The following CALN1 variants were observed in gnomAD, a reference collection of about 807,000 sequenced individuals.
CALN1 encodes the protein calcium-binding protein 8.
CALN1 carries 17 observed loss-of-function variants against 30.6 expected under a neutral mutation model. The ratio of observed to expected loss-of-function variants is 0.56; its 90% CI spans 0.38 to 0.83. CALN1 has a LOEUF of 0.83. Among genes scored for constraint, CALN1 ranks in the 40% least tolerant of loss-of-function variants. CALN1 has a pLI of 0.00. For missense variants in CALN1, 291 were observed against 354.9 expected (o/e 0.82, Z 1.45); for synonymous variants, 156 against 131.4 (o/e 1.19, Z -1.28).
At chr7:72,289,971 A>G (rs1798361290) in intron 2 of CALN1, among the ~76,000 whole-genome samples, 1 of 151,464 alleles carries the variant, frequency 6.6e-6, no homozygotes, top group Non-Finnish European at 1.5e-5. Context: ...TTAGCTACTC[A>G]GGAGGCTGAG....
At chr7:72,019,042 G>C (rs529973215) in intron 5 of CALN1, among the ~76,000 whole-genome samples, 2 of 150,744 alleles carry the variant, frequency 1.3e-5, no homozygotes, top group Non-Finnish European at 3.0e-5. Context: ...GTAGAGATGA[G>C]GTTTCACCAT....
chr7:72,488,995 A>C, the CALN1 span, among the ~76,000 whole-genome samples: 1 of 152,186 alleles, frequency 6.6e-6, no homozygotes, highest in Non-Finnish European at 1.5e-5. Context: ...CTTATCGACC[A>C]TGAGACAGTC....
chr7:71,999,070 T>G (rs966114469), intron 5 of CALN1, among the ~76,000 whole-genome samples: 1 of 152,142 alleles, frequency 6.6e-6, no homozygotes, highest in Non-Finnish European at 1.5e-5. Context: ...AGAGACACAA[T>G]CCAATTTTAT....
intron 4 of CALN1, among the ~76,000 whole-genome samples, chr7:72,035,358 G>C (rs1801732866): frequency 6.6e-6 from 1 of 151,140 alleles, no homozygotes; most frequent in African/African-American, 2.4e-5. Context: ...CATGCAAGTA[G>C]AATCATGTCC....
chr7:72,215,737 AC>A (rs1469218296), intron 3 of CALN1, among the ~76,000 whole-genome samples: 1 of 152,062 alleles, frequency 6.6e-6, no homozygotes, highest in Non-Finnish European at 1.5e-5. Flanking sequence ...CTGTGGATGG[AC>A]CCAGCTAGGA....
At chr7:72,075,384 A>G (rs962983668) in intron 4 of CALN1, among the ~76,000 whole-genome samples, 2 of 152,224 alleles carry the variant, frequency 1.3e-5, no homozygotes, top group Non-Finnish European at 2.9e-5. Context: ...AATAAAGACA[A>G]TCAGGCTGAA....
intron 3 of CALN1, among the ~76,000 whole-genome samples, chr7:72,170,868 C>G (rs1788901555): frequency 6.6e-6 from 1 of 152,096 alleles, no homozygotes; most frequent in African/African-American, 2.4e-5. Flanking sequence ...TATGATTTCA[C>G]AGAGTCAGCC....
chr7:72,095,577 C>T (rs1806161676), intron 4 of CALN1, among the ~76,000 whole-genome samples: 1 of 152,162 alleles, frequency 6.6e-6, no homozygotes, highest in Non-Finnish European at 1.5e-5. Context: ...AATCTCCAGG[C>T]ACTGAGCTCC....
intron 5 of CALN1, among the ~76,000 whole-genome samples, chr7:71,814,874 C>T (rs1249742463): frequency 6.6e-6 from 1 of 151,602 alleles, no homozygotes; most frequent in African/African-American, 2.4e-5. Flanking sequence ...CGCTCTGTCC[C>T]CCACCCTGGA....
chr7:72,183,476 C>G (rs1231656283), intron 3 of CALN1, among the ~76,000 whole-genome samples: 1 of 152,134 alleles, frequency 6.6e-6, no homozygotes, highest in Non-Finnish European at 1.5e-5. Context: ...ATTCACAAAG[C>G]TTTTCACAGG....
chr7:72,230,259 G>A (rs1183568223), intron 3 of CALN1, among the ~76,000 whole-genome samples: 1 of 149,120 alleles, frequency 6.7e-6, no homozygotes, highest in African/African-American at 2.5e-5. Flanking sequence ...ATGTATCCCA[G>A]AACTTAAAGT....
At chr7:72,065,599 G>A (rs1000983804) in intron 4 of CALN1, among the ~76,000 whole-genome samples, 3 of 152,152 alleles carry the variant, frequency 2.0e-5, no homozygotes, top group South Asian at 4.2e-4. Flanking sequence ...TTGAGATCCC[G>A]GTTCTTGCCT....
At chr7:72,273,196 G>C (rs1018982990) in intron 3 of CALN1, among the ~76,000 whole-genome samples, 1 of 152,128 alleles carries the variant, frequency 6.6e-6, no homozygotes, top group Non-Finnish European at 1.5e-5. Context: ...CACTTTGGGA[G>C]GCCAAGGTGG....
chr7:72,297,699 C>T (rs937545027), intron 2 of CALN1, among the ~76,000 whole-genome samples: 3 of 152,132 alleles, frequency 2.0e-5, no homozygotes, highest in East Asian at 1.9e-4. Context: ...AATACACCTC[C>T]GTAAGAGACA....
chr7:72,409,210 G>C (rs906025711), intron 1 of CALN1, among the ~76,000 whole-genome samples: 1 of 151,204 alleles, frequency 6.6e-6, no homozygotes, highest in Non-Finnish European at 1.5e-5. Flanking sequence ...TGGCCAGGCT[G>C]GTCTCCAAGT....
At chr7:72,146,557 G>C (rs1039003981) in intron 3 of CALN1, among the ~76,000 whole-genome samples, 1 of 152,176 alleles carries the variant, frequency 6.6e-6, no homozygotes, top group Non-Finnish European at 1.5e-5. Context: ...GTAATTTATA[G>C]ATTCAATGCC....
chr7:72,469,829 A>T, the CALN1 span, among the ~76,000 whole-genome samples: 53 of 152,294 alleles, frequency 3.5e-4, no homozygotes, highest in Non-Finnish European at 6.2e-4. Context: ...GCCTGAACCC[A>T]GTCAAGGGTA....
At chr7:72,252,971 C>T (rs189557673) in intron 3 of CALN1, among the ~76,000 whole-genome samples, 1 of 152,254 alleles carries the variant, frequency 6.6e-6, no homozygotes, top group East Asian at 1.9e-4. Context: ...ATTTAAAAAA[C>T]TTCACAAAGT....
At chr7:72,089,846 A>C (rs950694163) in intron 4 of CALN1, among the ~76,000 whole-genome samples, 3 of 152,218 alleles carry the variant, frequency 2.0e-5, no homozygotes, top group Admixed American at 6.5e-5. Flanking sequence ...TGGACAAAAC[A>C]ACCAAAAATA....
Sources: gnomAD v4.1 joint callset for allele counts (sites outside exome capture counted in the v4.1 genomes callset) on GRCh38, gnomAD v4.1.1 for gene constraint, MANE v1.5 for transcripts, NCBI Gene and HGNC (gene_info 2026-07-23, HGNC 2026-07-21) for gene names.